The following PLCB1 variants were observed in gnomAD, a reference collection of about 807,000 sequenced individuals.
PLCB1 encodes 1-phosphatidylinositol 4,5-bisphosphate phosphodiesterase beta-1.
In PLCB1, 46 loss-of-function variants were observed where a neutral mutation model predicts 161.8. The ratio of observed to expected loss-of-function variants is 0.28; its 90% CI spans 0.22 to 0.36. PLCB1 has a LOEUF of 0.36. Ranked by LOEUF, PLCB1 falls within the 10% of genes least tolerant of loss-of-function variation. PLCB1 has a pLI of 1.00. For missense variants in PLCB1, 1,016 were observed against 1,472.5 expected, an observed-to-expected ratio of 0.69 and a Z score of 5.07; for synonymous variants, 517 against 503.7, an observed-to-expected ratio of 1.03 and a Z score of -0.35.
At position 8,873,807 on chromosome 20, in the gene PLCB1, T is replaced by A. The variant is rs1452738043; in HGVS notation, c.3424-7815T>A. 2.0e-5 allele frequency among the ~76,000 whole-genome samples: 3 copies of A among 152,046 alleles called. 1 individual carries two copies. The highest frequency in any genetic ancestry group is 7.2e-5 in the African/African-American group (3 of 41,442). On this transcript the variant is annotated intron_variant, in intron 31 of 31. Transcript: ENST00000338037. ...TTCTTTAAGTGAGAGCCTTATGATT[T>A]TTTTACAGAAACACTTACGTTTTAT...
chr20:8,281,940 GA>G (rs1982893787), intron 2 of PLCB1, among the ~76,000 whole-genome samples: 1 of 151,690 alleles, frequency 6.6e-6, no homozygotes, highest in African/African-American at 2.4e-5. Context: ...ATTCATTAAA[GA>G]AAAAACTTTA....
At chr20:8,209,775 A>G (rs775417249) in intron 2 of PLCB1, among the ~76,000 whole-genome samples, 3 of 152,154 alleles carry the variant, frequency 2.0e-5, no homozygotes, top group Non-Finnish European at 4.4e-5. Flanking sequence ...ACATACTGAC[A>G]TAGAAAATCA....
At chr20:8,486,857 T>A (rs577867703) in intron 3 of PLCB1, among the ~76,000 whole-genome samples, 1 of 152,324 alleles carries the variant, frequency 6.6e-6, no homozygotes, top group South Asian at 2.1e-4. Context: ...AAGCTGTATT[T>A]GTTTGTTGAC....
At chr20:8,681,119 T>TATATAA (rs1485697576) in intron 9 of PLCB1, among the ~76,000 whole-genome samples, 857 of 81,854 alleles carry the variant, frequency 0.01, 17 homozygotes, top group African/African-American at 0.039. Flanking sequence ...TATATATATA[T>TATATAA]AATATATATA....
chr20:8,240,128 A>C (rs987045327), intron 2 of PLCB1, among the ~76,000 whole-genome samples: 45 of 151,956 alleles, frequency 3.0e-4, no homozygotes, highest in Non-Finnish European at 1.3e-4. Context: ...TTGTAATTAC[A>C]ACCATAATCT....
chr20:8,213,428 T>C (rs114168817), intron 2 of PLCB1, among the ~76,000 whole-genome samples: 3,850 of 152,060 alleles, frequency 0.025, 139 homozygotes, highest in African/African-American at 0.085. Context: ...GGGTAGGAAG[T>C]GGGCTGGGAG....
chr20:8,688,924 A>G (rs1391529792), intron 10 of PLCB1, among the ~76,000 whole-genome samples: 1 of 152,086 alleles, frequency 6.6e-6, no homozygotes, highest in Non-Finnish European at 1.5e-5. Flanking sequence ...GAATTTGTAG[A>G]TTGCTTTTGG....
At chr20:8,815,617 G>C (rs1361824171) in intron 31 of PLCB1, among the ~76,000 whole-genome samples, 1 of 152,192 alleles carries the variant, frequency 6.6e-6, no homozygotes, top group Non-Finnish European at 1.5e-5. Context: ...GGTAGGGCCA[G>C]GTCAGAAGTC....
intron 30 of PLCB1, 137 bp downstream of exon 30, chr20:8,789,712 G>T: frequency 1.5e-6 from 1 of 663,920 alleles, no homozygotes. Context: ...TGTTTCACAG[G>T]GTGGGCACTC....
chr20:8,320,990 G>A lies in PLCB1; in HGVS notation c.178-50392G>A, dbSNP rs774604139. Among the ~76,000 whole-genome samples, 128 of 151,378 alleles carry A rather than the reference G, an allele frequency of 8.5e-4. 1 individual carries two copies. The highest frequency in any genetic ancestry group is 3.2e-3 in the Admixed American group (48 of 15,164). On this transcript the variant is annotated intron_variant, in intron 2 of 31. Coordinates refer to ENST00000338037, the MANE Select transcript of PLCB1 (RefSeq NM_015192.4). Reference sequence around the variant, plus strand: ...AAGGGAAAATAGAAAAGGAAGGAAAGAAGAAAGGGAAGTAAAACAGGGAGG... The same window carrying A: ...AAGGGAAAATAGAAAAGGAAGGAAAAAAGAAAGGGAAGTAAAACAGGGAGG...
intron 7 of PLCB1, among the ~76,000 whole-genome samples, chr20:8,655,202 A>G (rs1427230699): frequency 6.6e-6 from 1 of 152,132 alleles, no homozygotes; most frequent in Non-Finnish European, 1.5e-5. Flanking sequence ...CTATCAAATT[A>G]TGTGTCAGGA....
intron 3 of PLCB1, among the ~76,000 whole-genome samples, chr20:8,417,071 ATATTTT>A (rs1979325115): frequency 2.9e-4 from 15 of 51,674 alleles, no homozygotes; most frequent in African/African-American, 7.6e-4. Context: ...ATATATATAT[ATATTTT>A]TTTTTTTTTT....
chr20:8,682,086 C>T (rs1024928510), intron 9 of PLCB1, among the ~76,000 whole-genome samples: 2 of 151,984 alleles, frequency 1.3e-5, no homozygotes, highest in Non-Finnish European at 2.9e-5. Context: ...CTTTATTTTT[C>T]TGTGCATTTA....
chr20:8,666,483 C>T (rs144592613), intron 9 of PLCB1, among the ~76,000 whole-genome samples: 4 of 152,310 alleles, frequency 2.6e-5, no homozygotes, highest in East Asian at 1.9e-4. Context: ...TTATTGTCTT[C>T]GTTGTTTCCA....
chr20:8,167,335 T>C (rs899478299), intron 2 of PLCB1, among the ~76,000 whole-genome samples: 3 of 152,200 alleles, frequency 2.0e-5, no homozygotes, highest in African/African-American at 7.2e-5. Flanking sequence ...TAAAAAGTGC[T>C]GATGTTTCAG....
chr20:8,659,208 C>T (rs1289784410), intron 9 of PLCB1, among the ~76,000 whole-genome samples: 1 of 151,990 alleles, frequency 6.6e-6, no homozygotes, highest in Non-Finnish European at 1.5e-5. Context: ...GTAAAAAAGC[C>T]TAGTGTTGTA....
intron 3 of PLCB1, among the ~76,000 whole-genome samples, chr20:8,516,664 C>CATAT (rs57237224): frequency 1.5e-3 from 105 of 72,228 alleles, no homozygotes; most frequent in Middle Eastern, 0.014. Context: ...AATATAACAT[C>CATAT]ATATATATAT....
intron 3 of PLCB1, among the ~76,000 whole-genome samples, chr20:8,399,294 A>G (rs1978441067): frequency 6.6e-6 from 1 of 151,938 alleles, no homozygotes; most frequent in Non-Finnish European, 1.5e-5. Flanking sequence ...GTCCAATTGT[A>G]TATCTCTTTT....
chr20:8,438,583 G>A (rs918250072), intron 3 of PLCB1, among the ~76,000 whole-genome samples: 5 of 152,176 alleles, frequency 3.3e-5, no homozygotes, highest in African/African-American at 1.2e-4. Context: ...ATAAGAAAGT[G>A]AAGTTCTCAG....
Sources: gnomAD v4.1 joint callset for allele counts (sites outside exome capture counted in the v4.1 genomes callset) on GRCh38, gnomAD v4.1.1 for gene constraint, MANE v1.5 for transcripts, NCBI Gene and HGNC (gene_info 2026-07-23, HGNC 2026-07-21) for gene names.